The following CCDC97 variants were observed in gnomAD, a reference collection of about 807,000 sequenced individuals.
CCDC97 encodes the protein coiled-coil domain containing 97.
A neutral mutation model predicts 33.9 loss-of-function variants in CCDC97; 27 were observed. That is an observed-to-expected ratio of 0.80 (90% confidence interval 0.59 to 1.10). CCDC97 has a LOEUF of 1.10. Ranked by LOEUF, CCDC97 falls within the 50% of genes least tolerant of loss-of-function variation. CCDC97 has a pLI of 0.00. For missense variants in CCDC97, 422 were observed against 476.6 expected (o/e 0.89, Z 1.07); for synonymous variants, 217 against 194.0 (o/e 1.12, Z -0.99).
chr19:41,316,927 C>A, intron 2 of CCDC97, 88 bp downstream of exon 2: 1 of 1,004,782 alleles, frequency 1.0e-6, no homozygotes, highest in Non-Finnish European at 1.4e-6. Context: ...AATACAAGAG[C>A]AGAGACAGAG....
In CCDC97 at chr19:41,322,748, C is replaced by T. The variant is rs1353856970; in HGVS notation, c.*33C>T. ...CACCCTTCCCACCGCCTGCCCCATC[C>T]CCATCCCCAACAAGGCAGCTGATTC... On this transcript the variant is annotated 3_prime_UTR_variant, in exon 5 of 5. Coordinates refer to ENST00000269967, the MANE Select transcript of CCDC97 (RefSeq NM_052848.3). The T allele has an allele frequency of 1.9e-6, 3 of 1,606,040 alleles. No individual in the cohort carries two copies. Among genetic ancestry groups the T allele is most frequent in the East Asian group, 4.5e-5 (2 of 44,702 alleles).
intron 2 of CCDC97, among the ~76,000 whole-genome samples, chr19:41,317,992 C>CAAA (rs764111028): frequency 3.2e-5 from 2 of 61,880 alleles, no homozygotes; most frequent in African/African-American, 7.0e-5. Context: ...TGGAGGTTGC[C>CAAA]AAAAAAAAAA....
chr19:41,322,873 A>G lies in CCDC97; in HGVS notation c.*158A>G, dbSNP rs538212877. 6.1e-6 allele frequency: 4 copies of G among 657,172 alleles called. No individual in the cohort carries two copies. Among genetic ancestry groups the G allele is most frequent in the East Asian group, 3.4e-5 (1 of 29,316 alleles). 40.7% of individuals were successfully genotyped at this position (657,172 alleles called of 1,614,324 possible). A position where few individuals can be genotyped will look rare whatever the true frequency, so the allele number is the denominator to read the frequency against. ...ACTGGGTCTAGTCTCATCTCAGACA[A>G]CCCCCACCCCCACTGTTTCTGGGGT... is the stretch of plus-strand genomic sequence containing the variant. On this transcript the variant is annotated 3_prime_UTR_variant, in exon 5 of 5. Coordinates refer to ENST00000269967, the MANE Select transcript of CCDC97 (RefSeq NM_052848.3).
intron 1 of CCDC97, 149 bp downstream of exon 1, chr19:41,310,505 T>A: frequency 6.1e-6 from 9 of 1,467,088 alleles, no homozygotes; most frequent in Non-Finnish European, 8.1e-6. Context: ...TTTGCCCAGA[T>A]TATTCCCTCC....
In CCDC97 at chr19:41,323,685, T is replaced by G. The variant is rs1450149509; in HGVS notation, c.*970T>G. On this transcript the variant is annotated 3_prime_UTR_variant, in exon 5 of 5. Coordinates refer to ENST00000269967, the MANE Select transcript of CCDC97 (RefSeq NM_052848.3). ...TCCGCCTTCCTCTCCCTCTCCTGTT[T>G]ACACTCCCCAAATGCGCACAGGCTG... 2 of 155,546 alleles carry G rather than the reference T, an allele frequency of 1.3e-5. No individual in the cohort carries two copies. Among genetic ancestry groups the G allele is most frequent in the African/African-American group, 2.4e-5 (1 of 41,506 alleles). 9.6% of individuals were successfully genotyped at this position (155,546 alleles called of 1,614,324 possible).
At chr19:41,320,987 TGTCA>T (rs1568470650) in intron 4 of CCDC97, among the ~76,000 whole-genome samples, 1 of 152,204 alleles carries the variant, frequency 6.6e-6, no homozygotes, top group Non-Finnish European at 1.5e-5. Flanking sequence ...GAGAGTGATG[TGTCA>T]GTCAAAGATT....
intron 1 of CCDC97, among the ~76,000 whole-genome samples, chr19:41,313,302 C>T (rs537198812): frequency 6.6e-6 from 1 of 152,302 alleles, no homozygotes; most frequent in South Asian, 2.1e-4. Context: ...AGCTCTGTCT[C>T]CAGCCCAACA....
rs757584775 is a variant in CCDC97, at chr19:41,319,616, C to T, written c.545C>T (p.Pro182Leu). The T allele has an allele frequency of 1.9e-6, 3 of 1,612,746 alleles. No homozygotes were observed. Among genetic ancestry groups the T allele is most frequent in the African/African-American group, 1.3e-5 (1 of 75,026 alleles). The stretch of plus-strand genomic sequence containing the variant: ...GATGAGCAGATGCGGTTCCGGGCCC[C>T]CCTGCTATATGAGCAGTACATCGGG... ...FSDEQMRFRA[P>L]LLYEQYIGQY... is the part of the protein sequence containing the mutation. Residue 182 changes from proline to leucine, a missense_variant, in exon 3 of 5, where the codon CCC (proline) becomes CTC (leucine). Pro to Leu is a moderately conservative substitution (Grantham distance 98). Coordinates refer to ENST00000269967, the MANE Select transcript of CCDC97 (RefSeq NM_052848.3).
Position 41,319,744 on chromosome 19 carries a change from C to T in CCDC97, c.673C>T (p.Leu225Phe). 1.2e-6 allele frequency: 2 copies of T among 1,613,908 alleles called. No homozygotes were observed. The highest frequency in any genetic ancestry group is 1.7e-6 in the Non-Finnish European group (2 of 1,179,870). ...TGCTTGCCCGCTCTCCAACTTGCTG[C>T]TCCAGTCCTACGAGGAGCGGGAGCT... ...RPACPLSNLL[L>F]QSYEERELQQ... is the part of the protein sequence containing the mutation. The change falls in exon 3 of 5, where the codon CTC becomes TTC. Residue 225 changes from leucine to phenylalanine, a missense_variant. By Grantham distance (22) the Leu-to-Phe change is conservative (BLOSUM62 0). Coordinates refer to ENST00000269967, the MANE Select transcript of CCDC97 (RefSeq NM_052848.3).
At chr19:41,319,379 A>G (rs767398177) in intron 2 of CCDC97, among the ~76,000 whole-genome samples, 195 bp from the exon 3 acceptor site, 2 of 151,094 alleles carry the variant, frequency 1.3e-5, no homozygotes, top group Non-Finnish European at 3.0e-5. Flanking sequence ...ATTCACACGC[A>G]CGCCTCAGGC....
At chr19:41,318,383 C>T (rs888588047) in intron 2 of CCDC97, among the ~76,000 whole-genome samples, 4 of 152,010 alleles carry the variant, frequency 2.6e-5, no homozygotes. Context: ...ACCCGGGAGG[C>T]GGAGGTTGCA....
At chr19:41,310,579 C>T in intron 1 of CCDC97, 2 of 985,338 alleles carry the variant, frequency 2.0e-6, no homozygotes, top group Non-Finnish European at 2.4e-6. Context: ...CTTCCCAGTT[C>T]CAGACCAATC....
intron 1 of CCDC97, among the ~76,000 whole-genome samples, chr19:41,312,415 C>G (rs1490040327): frequency 6.6e-6 from 1 of 152,070 alleles, no homozygotes; most frequent in Non-Finnish European, 1.5e-5. Context: ...CTAGACTGGA[C>G]TAGAATTAAA....
Position 41,310,174 on chromosome 19 carries a change from G to A in CCDC97, c.-137G>A. 8.0e-7 allele frequency: 1 copy of A among 1,254,944 alleles called. No homozygotes were observed. Among genetic ancestry groups the A allele is most frequent in the African/African-American group, 1.5e-5 (1 of 67,738 alleles). 77.7% of individuals were successfully genotyped at this position (1,254,944 alleles called of 1,614,324 possible). ...ATGCGCAATGCAACGTCTGCCTTAG[G>A]CCCGGAACTTCGGTGCCTGGGCGCA... On this transcript the variant is annotated 5_prime_UTR_variant, in exon 1 of 5. Coordinates refer to ENST00000269967, the MANE Select transcript of CCDC97 (RefSeq NM_052848.3).
Position 41,320,424 on chromosome 19 carries a change from A to C in CCDC97, c.865A>C (p.Met289Leu). ...CCTGCGAGAGGAGTTCACCAGCCGC[A>C]TGCACCAGCGCTTCCTAGATGGCAA... The part of the protein sequence containing the change: ...LILREEFTSR[M>L]HQRFLDGKDG... The change falls in exon 4 of 5, where the codon ATG becomes CTG. Residue 289 changes from methionine (M) to leucine (L), a missense_variant. Transcript: ENST00000269967. The C allele has an allele frequency of 6.2e-7, 1 of 1,614,050 alleles. No individual in the cohort carries two copies. The highest frequency in any genetic ancestry group is 8.5e-7 in the Non-Finnish European group (1 of 1,179,998).
intron 4 of CCDC97, among the ~76,000 whole-genome samples, chr19:41,322,108 T>C (rs1237323924): frequency 6.6e-6 from 1 of 152,186 alleles, no homozygotes; most frequent in Non-Finnish European, 1.5e-5. Context: ...CTTTGGGGTT[T>C]TTTTTAGACA....
chr19:41,316,759 G>C lies in CCDC97; in HGVS notation c.422G>C (p.Arg141Pro). The C allele has an allele frequency of 6.2e-7, 1 of 1,612,918 alleles. No individual in the cohort carries two copies. The highest frequency in any genetic ancestry group is 8.5e-7 in the Non-Finnish European group (1 of 1,179,362). The stretch of plus-strand genomic sequence containing the variant: ...GACTTCTACTGTGCTGAGGTGGCCC[G>C]GCAGGGCACTGCCCGGCCCCGCACC... ...RADFYCAEVA[R>P]QGTARPRTLR... is the part of the protein sequence containing the mutation. The change falls in exon 2 of 5, where the codon CGG (arginine) becomes CCG (proline). Residue 141 changes from arginine to proline, a missense_variant. By Grantham distance (103) the Arg-to-Pro change is moderately radical (BLOSUM62 -2). Transcript: ENST00000269967.
chr19:41,318,586 T>C (rs920314592), intron 2 of CCDC97, among the ~76,000 whole-genome samples: 4 of 152,024 alleles, frequency 2.6e-5, no homozygotes, highest in African/African-American at 9.7e-5. Context: ...TCCGAGCAGT[T>C]TCTTTGCCCT....
chr19:41,317,728 A>AC (rs1568469315), intron 2 of CCDC97, among the ~76,000 whole-genome samples: 1 of 150,536 alleles, frequency 6.6e-6, no homozygotes, highest in African/African-American at 2.5e-5. Context: ...AAAAAAAAAA[A>AC]CACAGATGTG....
Sources: gnomAD v4.1 joint callset for allele counts (sites outside exome capture counted in the v4.1 genomes callset) on GRCh38, gnomAD v4.1.1 for gene constraint, MANE v1.5 for transcripts, NCBI Gene and HGNC (gene_info 2026-07-23, HGNC 2026-07-21) for gene names.